The following S100PBP variants were observed in gnomAD, a reference collection of about 807,000 sequenced individuals.
S100PBP encodes S100P binding protein, also known as S100P-binding protein.
Under a neutral mutation model 39.9 loss-of-function variants are expected in S100PBP, and 15 were observed. The ratio of observed to expected loss-of-function variants is 0.38; its 90% confidence interval spans 0.25 to 0.58. The LOEUF is 0.58. S100PBP is among the 20% of genes least tolerant of loss of function. S100PBP has a pLI of 0.70. For missense variants in S100PBP, 504 were observed against 487.3 expected, an observed-to-expected ratio of 1.03 and a Z score of -0.32; for synonymous variants, 178 against 180.3, an observed-to-expected ratio of 0.99 and a Z score of 0.10.
At chr1:32,827,370 G>GC (rs1441246214) in intron 3 of S100PBP, among the ~76,000 whole-genome samples, 3 of 152,160 alleles carry the variant, frequency 2.0e-5, no homozygotes, top group African/African-American at 7.2e-5. Context: ...TTAAGATACA[G>GC]CACTAGCTCT....
rs1323013332 is a variant in S100PBP, at chr1:32,858,671, A to G, written c.*2633A>G. ...CCCACCATGGGGGTCTTGACAAAGC[A>G]GAGTAAAAATATGCTGTTTACATTG... On this transcript the variant is annotated 3_prime_UTR_variant, in exon 7 of 7. Transcript: ENST00000373475. The G allele has an allele frequency of 2.0e-5, 3 of 152,244 alleles. No individual in the cohort carries two copies. Among genetic ancestry groups the G allele is most frequent in the Admixed American group, 6.5e-5 (1 of 15,284 alleles). 9.4% of individuals were successfully genotyped at this position (152,244 alleles called of 1,614,324 possible).
chr1:32,816,871 C>T, upstream of S100PBP: 2 of 540,354 alleles, frequency 3.7e-6, no homozygotes, highest in East Asian at 3.2e-5. Context: ...CTCTGGCAGG[C>T]CCTTGACGTA....
chr1:32,839,979 T>C (rs552777747), intron 5 of S100PBP, among the ~76,000 whole-genome samples: 1 of 151,720 alleles, frequency 6.6e-6, no homozygotes, highest in African/African-American at 2.4e-5. Context: ...ACCTGACTAA[T>C]TTTTTGTTTT....
intron 5 of S100PBP, among the ~76,000 whole-genome samples, chr1:32,845,417 C>T (rs1238173777): frequency 6.6e-6 from 1 of 151,688 alleles, no homozygotes; most frequent in African/African-American, 2.4e-5. Context: ...GCCTAGGTGA[C>T]GGAGTGAGAC....
At chr1:32,850,130 ATTTAT>A (rs1434711073) in intron 5 of S100PBP, among the ~76,000 whole-genome samples, 1 of 152,142 alleles carries the variant, frequency 6.6e-6, no homozygotes, top group Non-Finnish European at 1.5e-5. Context: ...ATGTTTTTAG[ATTTAT>A]TATCTTTAGT....
In S100PBP at chr1:32,826,190, G is replaced by A; in HGVS notation, c.91G>A (p.Glu31Lys). 1.2e-6 allele frequency: 2 copies of A among 1,614,182 alleles called. No homozygotes were observed. Among genetic ancestry groups the A allele is most frequent in the Non-Finnish European group, 1.7e-6 (2 of 1,180,016 alleles). ...GAPFSWDSLD[E>K]DGLDDSLLEL... ...CCCATTTTCTTGGGATTCCTTGGAT[G>A]AGGATGGATTGGATGACTCCTTGCT... is the stretch of plus-strand genomic sequence containing the variant. The change falls in exon 3 of 7, where the codon GAG becomes AAG. Residue 31 changes from glutamate (E) to lysine (K), a missense_variant. Coordinates refer to ENST00000373475, the MANE Select transcript of S100PBP (RefSeq NM_022753.4).
At chr1:32,838,523 A>G (rs1378111520) in intron 5 of S100PBP, among the ~76,000 whole-genome samples, 1 of 151,998 alleles carries the variant, frequency 6.6e-6, no homozygotes, top group Non-Finnish European at 1.5e-5. Context: ...TAATATACAC[A>G]TAACCATCTT....
intron 1 of S100PBP, among the ~76,000 whole-genome samples, chr1:32,823,432 G>A (rs1639176346): frequency 6.6e-6 from 1 of 152,120 alleles, no homozygotes; most frequent in African/African-American, 2.4e-5. Flanking sequence ...AACAATTGCT[G>A]GAATATAGTA....
chr1:32,838,183 T>C (rs1340413870), intron 5 of S100PBP, among the ~76,000 whole-genome samples: 1 of 151,232 alleles, frequency 6.6e-6, no homozygotes, highest in African/African-American at 2.4e-5. Context: ...CTACTAAAAA[T>C]ACAAAAAATT....
Position 32,826,460 on chromosome 1 carries a change from A to G in S100PBP, c.361A>G (p.Thr121Ala). The change falls in exon 3 of 7, where the codon ACA (threonine) becomes GCA (alanine). Residue 121 changes from threonine to alanine, a missense_variant. By Grantham distance (58) the Thr-to-Ala change is moderately conservative. Transcript: ENST00000373475. ...PDLFKLPQLSTSSGHGPAHTK... is the reference protein window; with the variant it reads ...PDLFKLPQLSASSGHGPAHTK... ...CCTCTTCAAACTACCTCAGCTAAGT[A>G]CATCAAGTGGTCATGGACCAGCTCA... 6.2e-7 allele frequency: 1 copy of G among 1,614,198 alleles called. No individual in the cohort carries two copies.
chr1:32,817,301 C>G, upstream of S100PBP: 1 of 1,605,208 alleles, frequency 6.2e-7, no homozygotes, highest in South Asian at 1.1e-5. Context: ...CTTCCTGGGT[C>G]ACCGTCGCCG....
At chr1:32,837,173 A>AG (rs1260570745) in intron 5 of S100PBP, 3 of 150,850 alleles carry the variant, frequency 2.0e-5, no homozygotes, top group African/African-American at 4.9e-5. Context: ...AAAAAAAAAA[A>AG]AAAAAGAAAT....
At position 32,846,152 on chromosome 1, in the gene S100PBP, G is replaced by A. The variant is rs186051785; in HGVS notation, c.1025-6927G>A. Among the ~76,000 whole-genome samples, 138 of 151,474 alleles carry A rather than the reference G, an allele frequency of 9.1e-4. 1 individual carries two copies. The highest frequency in any genetic ancestry group is 4.7e-3 in the Admixed American group (71 of 15,214). On this transcript the variant is annotated intron_variant, in intron 5 of 6. Transcript: ENST00000373475. The stretch of plus-strand genomic sequence containing the variant: ...CTACAGGTGCATGCCACTACACCCG[G>A]CTTATTTTGTAGTTTTTTAGTAGAG...
chr1:32,840,514 G>T (rs908974034), intron 5 of S100PBP, among the ~76,000 whole-genome samples: 1 of 149,846 alleles, frequency 6.7e-6, no homozygotes, highest in Non-Finnish European at 1.5e-5. Flanking sequence ...CCGCCACCAC[G>T]CCTGGCTAAT....
intron 5 of S100PBP, among the ~76,000 whole-genome samples, chr1:32,839,201 A>C (rs1280844265): frequency 6.6e-6 from 1 of 152,194 alleles, no homozygotes; most frequent in Admixed American, 6.5e-5. Flanking sequence ...TGACTACTCT[A>C]GGTACCTCAC....
At chr1:32,833,072 T>TA (rs1639670153) in intron 5 of S100PBP, among the ~76,000 whole-genome samples, 1 of 152,180 alleles carries the variant, frequency 6.6e-6, no homozygotes, top group Admixed American at 6.5e-5. Context: ...TATGAAATTA[T>TA]AAGTACTTAA....
intron 5 of S100PBP, among the ~76,000 whole-genome samples, chr1:32,842,221 G>GTATGTA (rs1553132257): frequency 1.1e-5 from 1 of 91,756 alleles, no homozygotes; most frequent in Admixed American, 1.5e-4. Context: ...ATATATATAT[G>GTATGTA]TATATATATA....
At chr1:32,850,099 C>T (rs1041593973) in intron 5 of S100PBP, among the ~76,000 whole-genome samples, 1 of 152,158 alleles carries the variant, frequency 6.6e-6, no homozygotes, top group African/African-American at 2.4e-5. Context: ...CTATTCTTCT[C>T]ATCATTTAAT....
chr1:32,840,412 A>T (rs759929377), intron 5 of S100PBP, among the ~76,000 whole-genome samples: 1 of 152,124 alleles, frequency 6.6e-6, no homozygotes, highest in African/African-American at 2.4e-5. Context: ...CTGGAATGCA[A>T]TGGCATGATC....
Sources: gnomAD v4.1 joint callset for allele counts (sites outside exome capture counted in the v4.1 genomes callset) on GRCh38, gnomAD v4.1.1 for gene constraint, MANE v1.5 for transcripts, NCBI Gene and HGNC (gene_info 2026-07-23, HGNC 2026-07-21) for gene names.